Variants in SUCLG2 observed in about 807,000 individuals in gnomAD.
The protein encoded by SUCLG2 is succinate-CoA ligase GDP-forming subunit beta, also known as succinate--CoA ligase [GDP-forming] subunit beta, mitochondrial.
A neutral mutation model predicts 47.9 loss-of-function variants in SUCLG2; 42 were observed. The ratio of observed to expected loss-of-function variants is 0.88; its 90% CI spans 0.69 to 1.14. The LOEUF (loss-of-function observed/expected upper bound fraction) is 1.14. SUCLG2 is among the 50% of genes most tolerant of loss of function. SUCLG2 has a pLI of 0.00. For synonymous variants in SUCLG2, 195 were observed against 197.3 expected, an observed-to-expected ratio of 0.99 and a Z score of 0.10; for missense variants, 571 against 525.9, an observed-to-expected ratio of 1.09 and a Z score of -0.84.
chr3:67,552,172 CAAAAAAAAA>C (rs55687048), intron 2 of SUCLG2, among the ~76,000 whole-genome samples: 2 of 75,500 alleles, frequency 2.6e-5, no homozygotes, highest in African/African-American at 3.8e-5. Flanking sequence ...AACTCCATCT[CAAAAAAAAA>C]AAAAAAAAAA....
chr3:67,371,774 A>G (rs1289725238), downstream of SUCLG2, among the ~76,000 whole-genome samples: 2 of 152,192 alleles, frequency 1.3e-5, no homozygotes, highest in Non-Finnish European at 2.9e-5. Flanking sequence ...GGGTCCCCAT[A>G]GATACAAAAC....
intron 10 of SUCLG2, among the ~76,000 whole-genome samples, chr3:67,395,031 A>G (rs1208745557): frequency 6.6e-6 from 1 of 152,200 alleles, no homozygotes; most frequent in East Asian, 1.9e-4. Flanking sequence ...AGCACTAAAC[A>G]TGGAAAGGAA....
intron 2 of SUCLG2, among the ~76,000 whole-genome samples, chr3:67,552,918 A>C (rs1707056882): frequency 6.6e-6 from 1 of 152,198 alleles, no homozygotes; most frequent in Non-Finnish European, 1.5e-5. Flanking sequence ...CTGTTGTCTG[A>C]ACACCTGTTA....
At chr3:67,411,743 C>T (rs556794060) in intron 9 of SUCLG2, among the ~76,000 whole-genome samples, 1 of 152,250 alleles carries the variant, frequency 6.6e-6, no homozygotes, top group South Asian at 2.1e-4. Flanking sequence ...AGTAAAATGA[C>T]TCTAATGCCA....
intron 9 of SUCLG2, among the ~76,000 whole-genome samples, chr3:67,452,781 G>A (rs1398731665): frequency 6.6e-6 from 1 of 152,196 alleles, no homozygotes; most frequent in Non-Finnish European, 1.5e-5. Context: ...TTCTGTGACT[G>A]AAATTGTATT....
At chr3:67,552,172 C>CAAAAA (rs55687048) in intron 2 of SUCLG2, among the ~76,000 whole-genome samples, 13 of 75,458 alleles carry the variant, frequency 1.7e-4, no homozygotes, top group African/African-American at 2.7e-4. Flanking sequence ...AACTCCATCT[C>CAAAAA]AAAAAAAAAA....
intron 2 of SUCLG2, among the ~76,000 whole-genome samples, chr3:67,541,750 TA>T (rs1706718252): frequency 6.6e-6 from 1 of 152,138 alleles, no homozygotes; most frequent in Admixed American, 6.5e-5. Flanking sequence ...GAAAAAATGT[TA>T]AGGGCAGCCA....
chr3:67,560,869 T>C (rs924569837), intron 2 of SUCLG2, among the ~76,000 whole-genome samples: 2 of 151,674 alleles, frequency 1.3e-5, no homozygotes, highest in African/African-American at 2.4e-5. Context: ...AGCCTTGAGA[T>C]GCCTTAGGTG....
chr3:67,576,764 A>T (rs1415827669), intron 2 of SUCLG2, among the ~76,000 whole-genome samples: 3 of 152,186 alleles, frequency 2.0e-5, no homozygotes, highest in Non-Finnish European at 4.4e-5. Context: ...AAATATCTCA[A>T]ACTGGGTTGG....
chr3:67,535,145 T>C (rs1351425776), intron 2 of SUCLG2, among the ~76,000 whole-genome samples: 1 of 151,998 alleles, frequency 6.6e-6, no homozygotes, highest in Non-Finnish European at 1.5e-5. Flanking sequence ...TTAAAGGAAG[T>C]TAAGGAAAAC....
At chr3:67,467,156 C>T (rs1424626971) in intron 9 of SUCLG2, among the ~76,000 whole-genome samples, 1 of 152,154 alleles carries the variant, frequency 6.6e-6, no homozygotes, top group Non-Finnish European at 1.5e-5. Flanking sequence ...TCTAAATGTT[C>T]TCTACAACTT....
intron 10 of SUCLG2, among the ~76,000 whole-genome samples, chr3:67,381,552 A>G (rs1702158451): frequency 6.6e-6 from 1 of 152,200 alleles, no homozygotes; most frequent in African/African-American, 2.4e-5. Context: ...TGCTACTGAC[A>G]TGTTCTAATA....
downstream of SUCLG2, among the ~76,000 whole-genome samples, chr3:67,372,342 A>T (rs921037262): frequency 1.3e-5 from 2 of 152,244 alleles, no homozygotes; most frequent in East Asian, 3.8e-4. Flanking sequence ...CCTCACTGGT[A>T]AAATGGATAC....
intron 2 of SUCLG2, among the ~76,000 whole-genome samples, chr3:67,601,474 G>A (rs925074324): frequency 6.6e-6 from 1 of 152,064 alleles, no homozygotes; most frequent in Non-Finnish European, 1.5e-5. Flanking sequence ...CAGCAGTGAG[G>A]TCCTATGTCA....
At chr3:67,490,631 G>A (rs1287367092) in intron 9 of SUCLG2, among the ~76,000 whole-genome samples, 1 of 152,056 alleles carries the variant, frequency 6.6e-6, no homozygotes, top group Admixed American at 6.5e-5. Flanking sequence ...TCTGAGATGT[G>A]CATTTATTCT....
chr3:67,379,301 T>C (rs1391090754), intron 10 of SUCLG2, among the ~76,000 whole-genome samples: 2 of 152,158 alleles, frequency 1.3e-5, no homozygotes, highest in Non-Finnish European at 2.9e-5. Context: ...TTCCTCTTCC[T>C]TTCTTCTTTT....
intron 9 of SUCLG2, among the ~76,000 whole-genome samples, chr3:67,454,771 G>A (rs1704143532): frequency 6.6e-6 from 1 of 152,030 alleles, no homozygotes. Flanking sequence ...GACCATCCTG[G>A]CTAACAAAGT....
intron 9 of SUCLG2, among the ~76,000 whole-genome samples, chr3:67,452,012 A>G (rs541037477): frequency 3.3e-5 from 5 of 152,318 alleles, no homozygotes; most frequent in Admixed American, 3.3e-4. Flanking sequence ...ACTCCATGTA[A>G]TCTATTCATT....
At chr3:67,577,051 CT>C (rs566441966) in intron 2 of SUCLG2, among the ~76,000 whole-genome samples, 116 of 152,296 alleles carry the variant, frequency 7.6e-4, no homozygotes, top group African/African-American at 2.8e-3. Context: ...AAGTGAAGTG[CT>C]GGCCAGGTGC....
Sources: gnomAD v4.1 joint callset for allele counts (sites outside exome capture counted in the v4.1 genomes callset) on GRCh38, gnomAD v4.1.1 for gene constraint, MANE v1.5 for transcripts, NCBI Gene and HGNC (gene_info 2026-07-23, HGNC 2026-07-21) for gene names.